The following MCF2L2 variants were observed in gnomAD, a reference collection of about 807,000 sequenced individuals.
MCF2L2 encodes MCF.2 cell line derived transforming sequence-like 2, also known as probable guanine nucleotide exchange factor MCF2L2.
A neutral mutation model predicts 150.2 loss-of-function variants in MCF2L2; 102 were observed. The observed-to-expected ratio is 0.68, with a 90% CI of 0.58 to 0.80. MCF2L2 has a LOEUF of 0.80. Among genes scored for constraint, MCF2L2 ranks in the 30% least tolerant of loss-of-function variants. The pLI, the probability that MCF2L2 is intolerant of heterozygous loss-of-function variation, is 0.00. For synonymous variants in MCF2L2, 465 were observed against 491.3 expected, an observed-to-expected ratio of 0.95 and a Z score of 0.71; for missense variants, 1,256 against 1,372.8, an observed-to-expected ratio of 0.91 and a Z score of 1.34.
At chr3:183,232,762 G>A (rs905334498) in intron 15 of MCF2L2, among the ~76,000 whole-genome samples, 6 of 152,072 alleles carry the variant, frequency 3.9e-5, no homozygotes, top group African/African-American at 1.2e-4. Flanking sequence ...TACATTCAAC[G>A]AAGGCATATT....
At chr3:183,263,454 G>A (rs1189948276) in intron 15 of MCF2L2, among the ~76,000 whole-genome samples, 1 of 152,006 alleles carries the variant, frequency 6.6e-6, no homozygotes, top group Non-Finnish European at 1.5e-5. Flanking sequence ...GGCCTTGTTT[G>A]TCCTGCTTAC....
intron 6 of MCF2L2, among the ~76,000 whole-genome samples, chr3:183,322,542 G>C (rs930143872): frequency 6.6e-6 from 1 of 152,210 alleles, no homozygotes; most frequent in Non-Finnish European, 1.5e-5. Context: ...TACTGTGTTA[G>C]TCCCATTTTA....
At chr3:183,409,723 T>A (rs915540679) in intron 1 of MCF2L2, among the ~76,000 whole-genome samples, 3 of 151,884 alleles carry the variant, frequency 2.0e-5, no homozygotes, top group Non-Finnish European at 4.4e-5. Flanking sequence ...CCTGGATAAT[T>A]TTTGTATTTT....
chr3:183,345,944 A>G (rs1482639330), intron 3 of MCF2L2, among the ~76,000 whole-genome samples: 2 of 152,218 alleles, frequency 1.3e-5, no homozygotes, highest in Admixed American at 6.5e-5. Context: ...TACCAACCAA[A>G]AAAAGCCCAG....
rs1431490177 is a variant in MCF2L2, at chr3:183,227,137, G to A, written c.2115+1160C>T. On this transcript the variant is annotated intron_variant, in intron 18 of 29. Transcript: ENST00000328913. This position sits in a 1 kb window ranked among gnomAD's most constrained non-coding sequence, Gnocchi z 4.0. The stretch of plus-strand genomic sequence containing the variant: ...CTTGGGTTCACAAAAATAAAAATAA[G>A]AAAGAGAATGAGAAGGACTAGTTGA... 1 of 152,164 alleles carries A rather than the reference G, an allele frequency of 6.6e-6. No homozygotes were observed. Among genetic ancestry groups the A allele is most frequent in the African/African-American group, 2.4e-5 (1 of 41,436 alleles). 9.4% of individuals were successfully genotyped at this position (152,164 alleles called of 1,614,324 possible).
intron 1 of MCF2L2, among the ~76,000 whole-genome samples, chr3:183,413,008 T>A (rs1232179609): frequency 6.6e-6 from 1 of 152,224 alleles, no homozygotes; most frequent in Non-Finnish European, 1.5e-5. Context: ...TTTGTTCTAT[T>A]GATACATGTA....
chr3:183,275,576 A>G (rs1389017006), intron 15 of MCF2L2, among the ~76,000 whole-genome samples: 2 of 152,162 alleles, frequency 1.3e-5, no homozygotes, highest in African/African-American at 4.8e-5. Context: ...GTTTCTCATA[A>G]GTATGATTTG....
chr3:183,419,957 T>C (rs1422972148), intron 1 of MCF2L2, among the ~76,000 whole-genome samples: 4 of 152,242 alleles, frequency 2.6e-5, no homozygotes, highest in Non-Finnish European at 5.9e-5. Flanking sequence ...TTCAAAGTTC[T>C]ACAGATCTCT....
chr3:183,386,396 G>A (rs1381055463), intron 2 of MCF2L2, among the ~76,000 whole-genome samples: 1 of 152,202 alleles, frequency 6.6e-6, no homozygotes, highest in Non-Finnish European at 1.5e-5. Context: ...TGGTGGCCCT[G>A]CTCACAGGCT....
intron 5 of MCF2L2, among the ~76,000 whole-genome samples, chr3:183,331,615 T>C: frequency 6.6e-6 from 1 of 152,200 alleles, no homozygotes; most frequent in East Asian, 1.9e-4. Context: ...ATTTCCACGA[T>C]CATAGCCTCT....
chr3:183,407,895 T>C (rs1339419282), intron 1 of MCF2L2, among the ~76,000 whole-genome samples: 1 of 152,048 alleles, frequency 6.6e-6, no homozygotes, highest in East Asian at 1.9e-4. Context: ...CACCAAACCC[T>C]CTTCACGGCG....
chr3:183,306,149 A>G (rs546627960), intron 10 of MCF2L2, among the ~76,000 whole-genome samples: 1 of 152,360 alleles, frequency 6.6e-6, no homozygotes, highest in Admixed American at 6.5e-5. Flanking sequence ...ATTTGAATCC[A>G]TCCCTATCCG....
In MCF2L2 at chr3:183,223,335, A is replaced by T. The variant is rs1045791279; in HGVS notation, c.2301+11T>A. On this transcript the variant is annotated intron_variant, in intron 20 of 29. Transcript: ENST00000328913. The stretch of plus-strand genomic sequence containing the variant: ...TCCCACCAAGGAAAAGCACTGTCTC[A>T]TTGATTTTACCTTCAACAGCATCTG... 3.7e-6 allele frequency: 6 copies of T among 1,605,374 alleles called. No homozygotes were observed. The African/African-American group carries it at 8.0e-5, about 21-fold the overall frequency.
intron 3 of MCF2L2, among the ~76,000 whole-genome samples, chr3:183,347,469 G>C (rs1730945697): frequency 6.6e-6 from 1 of 152,114 alleles, no homozygotes; most frequent in South Asian, 2.1e-4. Flanking sequence ...GAAAACTTAG[G>C]CAATACCATT....
chr3:183,270,951 G>T lies in MCF2L2; in HGVS notation c.1862+5921C>A, dbSNP rs185130868. 3.9e-6 allele frequency: 6 copies of T among 1,537,274 alleles called. No individual in the cohort carries two copies. The East Asian group carries it at 1.4e-4, about 35-fold the overall frequency. On this transcript the variant is annotated intron_variant, in intron 15 of 29. Transcript: ENST00000328913. The surrounding 1 kb of genome is among the most constrained non-coding windows in gnomAD (Gnocchi z 4.5). ...GTTTATCTAATAGTACTTGAATGTT[G>T]TATGTTTTCACTGTCACTGAGTCAA...
At chr3:183,393,057 G>A (rs886215073) in intron 1 of MCF2L2, among the ~76,000 whole-genome samples, 1 of 152,168 alleles carries the variant, frequency 6.6e-6, no homozygotes, top group Non-Finnish European at 1.5e-5. Flanking sequence ...CTTCTCCCAG[G>A]AACAGGTGAG....
intron 2 of MCF2L2, among the ~76,000 whole-genome samples, chr3:183,388,158 T>C (rs1713941384): frequency 1.3e-5 from 2 of 152,124 alleles, no homozygotes; most frequent in Admixed American, 6.5e-5. Context: ...TAAATTTGGA[T>C]CATAAATGTA....
intron 25 of MCF2L2, among the ~76,000 whole-genome samples, chr3:183,200,165 G>A (rs1324092598): frequency 3.3e-5 from 5 of 152,140 alleles, no homozygotes; most frequent in East Asian, 1.9e-4. Flanking sequence ...TGGGTCAAAC[G>A]ATATTTGTAG....
chr3:183,384,668 T>C (rs890329971), intron 2 of MCF2L2, among the ~76,000 whole-genome samples: 1 of 152,168 alleles, frequency 6.6e-6, no homozygotes, highest in African/African-American at 2.4e-5. Flanking sequence ...CTCTGTTCCC[T>C]GAATGCTTGG....
Sources: allele counts gnomAD v4.1 joint callset (sites outside exome capture counted in the v4.1 genomes callset), GRCh38; gene constraint gnomAD v4.1.1; non-coding constraint Gnocchi (gnomAD v3.1); transcripts MANE v1.5; gene names NCBI Gene and HGNC (gene_info 2026-07-23, HGNC 2026-07-21).